Variants in TRIM39 observed in about 807,000 individuals in gnomAD.
TRIM39 encodes the protein tripartite motif containing 39, also known as E3 ubiquitin-protein ligase TRIM39.
TRIM39 carries 5 observed loss-of-function variants against 53.6 expected under a neutral mutation model. The observed-to-expected ratio is 0.09, with a 90% CI of 0.05 to 0.20. The LOEUF is 0.20. Ranked by LOEUF, TRIM39 falls within the 10% of genes least tolerant of loss-of-function variation. The pLI, the probability that TRIM39 is intolerant of heterozygous loss-of-function variation, is 1.00. For missense variants in TRIM39, 310 were observed against 621.0 expected (o/e 0.50, Z 5.32); for synonymous variants, 196 against 237.6 (o/e 0.82, Z 1.61).
chr6:30,341,455 C>A, intron 7 of TRIM39: 1 of 712,234 alleles, frequency 1.4e-6, no homozygotes, highest in South Asian at 1.5e-5. Flanking sequence ...AAGAGAGGAC[C>A]AGGCGGGAAC....
Position 30,335,721 on chromosome 6 carries a change from A to C in TRIM39, c.550-24A>C. On this transcript the variant is annotated intron_variant, in intron 4 of 7. Transcript: ENST00000396551. This position sits in a 1 kb window ranked among gnomAD's most constrained non-coding sequence, Gnocchi z 4.7. ...CTTATACCACACTGACCCTGCTGAT[A>C]CAACATCTTCCCTCTCTTCTCAGAG... 1 of 1,610,098 alleles carries C rather than the reference A, an allele frequency of 6.2e-7. No homozygotes were observed. The highest frequency in any genetic ancestry group is 8.5e-7 in the Non-Finnish European group (1 of 1,178,674).
chr6:30,336,289 A>AG (rs1341602606), intron 5 of TRIM39, among the ~76,000 whole-genome samples: 12 of 152,368 alleles, frequency 7.9e-5, no homozygotes, highest in African/African-American at 2.2e-4. Flanking sequence ...TTGTAAATGC[A>AG]GTTACCATTA....
Position 30,342,393 on chromosome 6 carries a change from T to C in TRIM39, c.*134T>C, listed in dbSNP as rs1787647723. On this transcript the variant is annotated 3_prime_UTR_variant, in exon 8 of 8. Transcript: ENST00000396551. The surrounding 1 kb of genome is among the most constrained non-coding windows in gnomAD (Gnocchi z 4.7). ...CATCTTGGAGAAACACCTTGGTTTCTAGGATGGTTTTGTGTGGAGGGGGAG... is the reference window on the plus strand; with the variant it reads ...CATCTTGGAGAAACACCTTGGTTTCCAGGATGGTTTTGTGTGGAGGGGGAG... 2.1e-6 allele frequency: 2 copies of C among 966,038 alleles called. No homozygotes were observed. Among genetic ancestry groups the C allele is most frequent in the Non-Finnish European group, 3.1e-6 (2 of 650,388 alleles). 59.8% of individuals were successfully genotyped at this position (966,038 alleles called of 1,614,324 possible).
Position 30,339,251 on chromosome 6 carries a change from C to A in TRIM39, c.781-657C>A, listed in dbSNP as rs537074375. The stretch of plus-strand genomic sequence containing the variant: ...GCAACCTTTGCCTCCTGTGTTCAAG[C>A]GATTCTCCTGCCTCAGCCTCCTGAG... On this transcript the variant is annotated intron_variant, in intron 5 of 7. Coordinates refer to ENST00000396551, the Ensembl canonical transcript of TRIM39. This position sits in a 1 kb window ranked among gnomAD's most constrained non-coding sequence, Gnocchi z 4.2. Among the ~76,000 whole-genome samples, 169 of 151,936 alleles carry A rather than the reference C, an allele frequency of 1.1e-3. No individual in the cohort carries two copies. The highest frequency in any genetic ancestry group is 3.4e-3 in the Middle Eastern group (1 of 294).
intron 3 of TRIM39, 89 bp downstream of exon 3, chr6:30,329,859 C>T: frequency 6.8e-7 from 1 of 1,478,358 alleles, no homozygotes; most frequent in Non-Finnish European, 9.0e-7. Flanking sequence ...TCGTAAGCTC[C>T]TACTACTCAC....
exon 8 of TRIM39, chr6:30,341,824 G>A (rs752509594): frequency 2.5e-6 from 4 of 1,612,964 alleles, no homozygotes; most frequent in South Asian, 1.1e-5. Context: ...ACACACCAAG[G>A]CGTTTCACCT....
At position 30,339,760 on chromosome 6, in the gene TRIM39, C is replaced by G; in HGVS notation, c.781-148C>G. The G allele has an allele frequency of 9.1e-7, 1 of 1,093,652 alleles. No homozygotes were observed. The highest frequency in any genetic ancestry group is 1.4e-5 in the South Asian group (1 of 72,254). 67.7% of individuals were successfully genotyped at this position (1,093,652 alleles called of 1,614,324 possible). On this transcript the variant is annotated intron_variant, in intron 5 of 7. Coordinates refer to ENST00000396551, the Ensembl canonical transcript of TRIM39. This position sits in a 1 kb window ranked among gnomAD's most constrained non-coding sequence, Gnocchi z 4.2. ...GGTTGGGAGAAGTGCATTCAGGTCCCGCTGGAGCTCTTCTTGCACTGTGTG... is the reference window on the plus strand; with the variant it reads ...GGTTGGGAGAAGTGCATTCAGGTCCGGCTGGAGCTCTTCTTGCACTGTGTG...
intron 1 of TRIM39, chr6:30,327,767 C>G (rs1443102717): frequency 6.6e-6 from 1 of 152,218 alleles, no homozygotes; most frequent in Non-Finnish European, 1.5e-5. Context: ...GTTGGATTCC[C>G]ACAGATAGAA....
In TRIM39 at chr6:30,328,273, G is replaced by C. The variant is rs184931847; in HGVS notation, c.-160-616G>C. 2.0e-5 allele frequency among the ~76,000 whole-genome samples: 3 copies of C among 152,256 alleles called. No homozygotes were observed. In the East Asian group the frequency reaches 5.8e-4, roughly 29 times the overall value. ...GATTCCAGTCACTACAAATAGACTC[G>C]TTGCTCTCTTTTCAAGAAGTCGTTG... On this transcript the variant is annotated intron_variant, in intron 1 of 7. Transcript: ENST00000396551.
rs1218281690 is a variant in TRIM39, at chr6:30,339,040, C to T, written c.781-868C>T. Among the ~76,000 whole-genome samples, 3 of 152,118 alleles carry T rather than the reference C, an allele frequency of 2.0e-5. No individual in the cohort carries two copies. The highest frequency in any genetic ancestry group is 4.8e-5 in the African/African-American group (2 of 41,400). The stretch of plus-strand genomic sequence containing the variant: ...GGCCTTTCATGTATGTGTGTTCTGC[C>T]TTCCATATTAAACTGGGAAATCCTT... On this transcript the variant is annotated intron_variant, in intron 5 of 7. Transcript: ENST00000396551. The surrounding 1 kb of genome is among the most constrained non-coding windows in gnomAD (Gnocchi z 4.2).
At chr6:30,340,815 T>C (rs570821903) in intron 7 of TRIM39, among the ~76,000 whole-genome samples, 195 bp downstream of exon 7, 2 of 152,350 alleles carry the variant, frequency 1.3e-5, no homozygotes, top group East Asian at 1.9e-4. Context: ...CGTTATCTAC[T>C]CTTAGGTCCA....
chr6:30,330,039 A>G (rs1785929708), intron 3 of TRIM39, among the ~76,000 whole-genome samples: 1 of 152,244 alleles, frequency 6.6e-6, no homozygotes, highest in Admixed American at 6.5e-5. Context: ...TTTTTCATAA[A>G]TGAATGAAAC....
rs1786794876 is a variant in TRIM39 at position 30,335,908 on chromosome 6, G to A, written c.713G>A (p.Arg238Gln). 2.5e-6 allele frequency: 4 copies of A among 1,612,452 alleles called. No individual in the cohort carries two copies. The highest frequency in any genetic ancestry group is 1.3e-5 in the African/African-American group (1 of 74,752). The change falls in exon 5 of 8, where the codon CGG becomes CAG. Residue 238 changes from arginine to glutamine, a missense_variant. By Grantham distance (43) the Arg-to-Gln change is conservative. Transcript: ENST00000396551. The surrounding 1 kb of genome is among the most constrained non-coding windows in gnomAD (Gnocchi z 4.7). ...GCTGCTCACCTTGGGGACAAGCGCC[G>A]GGACCTGGCCCACTTGGCTGCCGAG... is the stretch of plus-strand genomic sequence containing the variant.
intron 7 of TRIM39, chr6:30,341,371 T>C: frequency 1.7e-6 from 1 of 600,844 alleles, no homozygotes; most frequent in African/African-American, 1.8e-5. Context: ...ACACTTTCCG[T>C]TTTTTTCTGC....
exon 7 of TRIM39, chr6:30,340,601 A>G (rs1393146466): frequency 8.7e-6 from 14 of 1,612,586 alleles, no homozygotes; most frequent in Non-Finnish European, 1.0e-5. Flanking sequence ...CCCTAAGGAA[A>G]ATCCTTAAAC....
At chr6:30,333,156 A>G (rs1231169566) in intron 4 of TRIM39, among the ~76,000 whole-genome samples, 2 of 152,190 alleles carry the variant, frequency 1.3e-5, no homozygotes, top group Non-Finnish European at 2.9e-5. Flanking sequence ...TTGAAATACC[A>G]TAAGTAGCTT....
chr6:30,327,836 T>TA (rs1242052142), intron 1 of TRIM39: 1 of 152,222 alleles, frequency 6.6e-6, no homozygotes, highest in Non-Finnish European at 1.5e-5. Flanking sequence ...CCAAAGAAGT[T>TA]ATCAGTTCCT....
intron 1 of TRIM39, among the ~76,000 whole-genome samples, 167 bp from the exon 2 acceptor site, chr6:30,328,722 A>G (rs1785733518): frequency 6.6e-6 from 1 of 152,112 alleles, no homozygotes; most frequent in African/African-American, 2.4e-5. Context: ...CAGTGGGCCC[A>G]GGGAAGCCAA....
At position 30,342,076 on chromosome 6, in the gene TRIM39, A is replaced by C. The variant is rs1184223329; in HGVS notation, c.1284A>C (p.Val428=). Residue 428 remains valine (V), a synonymous_variant, in exon 8 of 8, where the codon GTA becomes GTC. Transcript: ENST00000396551. This position sits in a 1 kb window ranked among gnomAD's most constrained non-coding sequence, Gnocchi z 4.7. ...ACATCAAGGTGAAACCCAAGCGGGT[A>C]GGCATATTCCTAGACTATGAGGCCG... 6.2e-7 allele frequency: 1 copy of C among 1,613,092 alleles called. No individual in the cohort carries two copies. Among genetic ancestry groups the C allele is most frequent in the South Asian group, 1.1e-5 (1 of 91,080 alleles).
Sources: allele counts gnomAD v4.1 joint callset (sites outside exome capture counted in the v4.1 genomes callset), GRCh38; gene constraint gnomAD v4.1.1; non-coding constraint Gnocchi (gnomAD v3.1); transcripts MANE v1.5; gene names NCBI Gene and HGNC (gene_info 2026-07-23, HGNC 2026-07-21).